Variants in FANCC observed in about 807,000 individuals in gnomAD.
FANCC encodes the protein Fanconi anemia group C protein.
In FANCC, 55 loss-of-function variants were observed where a neutral mutation model predicts 71.3. That is an observed-to-expected ratio of 0.77 (90% confidence interval 0.62 to 0.97). The LOEUF (loss-of-function observed/expected upper bound fraction) is 0.97. Ranked by LOEUF, FANCC falls within the 50% of genes least tolerant of loss-of-function variation. FANCC has a pLI of 0.00. For missense variants in FANCC, 678 were observed against 670.9 expected, an observed-to-expected ratio of 1.01 and a Z score of -0.12; for synonymous variants, 275 against 244.9, an observed-to-expected ratio of 1.12 and a Z score of -1.15.
chr9:95,125,178 G>A lies in FANCC; in HGVS notation c.904C>T (p.Leu302Phe), dbSNP rs1346590576. Reference sequence around the variant, plus strand: ...TCCAGGGCCCCATCGGTTTCCAGGAGTGCACACCTGAACAATGCAAAGTCA... The same window carrying A: ...TCCAGGGCCCCATCGGTTTCCAGGAATGCACACCTGAACAATGCAAAGTCA... ...RVVDEMFRCA[L>F]LETDGALEII... Residue 302 changes from leucine (L) to phenylalanine (F), a missense_variant, in exon 10 of 15, where the codon CTC becomes TTC. Leu to Phe is a conservative substitution (Grantham distance 22). Coordinates refer to ENST00000289081, the MANE Select transcript of FANCC (RefSeq NM_000136.3). 1.2e-6 allele frequency: 2 copies of A among 1,613,706 alleles called. No individual in the cohort carries two copies. The highest frequency in any genetic ancestry group is 1.7e-6 in the Non-Finnish European group (2 of 1,179,710).
chr9:95,111,718 C>G, intron 12 of FANCC, 81 bp from the exon 13 acceptor site: 1 of 1,545,512 alleles, frequency 6.5e-7, no homozygotes, highest in Non-Finnish European at 8.9e-7. Context: ...TTAACGTTTG[C>G]CAACGGTTGG....
chr9:95,310,414 G>T (rs1191609845), intron 1 of FANCC, among the ~76,000 whole-genome samples: 1 of 151,770 alleles, frequency 6.6e-6, no homozygotes, highest in African/African-American at 2.4e-5. Context: ...CAAGAAACTG[G>T]CAAGTCCAGA....
chr9:95,182,970 A>G (rs2135685636), intron 4 of FANCC, among the ~76,000 whole-genome samples: 1 of 152,204 alleles, frequency 6.6e-6, no homozygotes. Context: ...CCCCTACTCC[A>G]GCCTGCCCCT....
intron 6 of FANCC, among the ~76,000 whole-genome samples, chr9:95,158,035 A>G (rs1363901878): frequency 6.6e-6 from 1 of 152,120 alleles, no homozygotes; most frequent in East Asian, 1.9e-4. Context: ...TTAGGGAGGA[A>G]GATTGATGAG....
At chr9:95,132,904 CAA>C (rs1827126924) in intron 8 of FANCC, among the ~76,000 whole-genome samples, 1 of 152,110 alleles carries the variant, frequency 6.6e-6, no homozygotes, top group Non-Finnish European at 1.5e-5. Context: ...TGCATAGTCC[CAA>C]GAGAGAGAAA....
chr9:95,278,712 C>A (rs1367927369), intron 1 of FANCC, among the ~76,000 whole-genome samples: 1 of 151,840 alleles, frequency 6.6e-6, no homozygotes, highest in African/African-American at 2.4e-5. Context: ...TGATATAACT[C>A]CATCATAAGT....
intron 2 of FANCC, among the ~76,000 whole-genome samples, chr9:95,248,520 A>T (rs1831135371): frequency 6.6e-6 from 1 of 152,222 alleles, no homozygotes; most frequent in East Asian, 1.9e-4. Context: ...ACACAAGAAC[A>T]CTTTGTTAAG....
intron 3 of FANCC, among the ~76,000 whole-genome samples, chr9:95,242,183 A>C (rs556492634): frequency 6.6e-6 from 1 of 152,208 alleles, no homozygotes; most frequent in South Asian, 2.1e-4. Context: ...TTTTTCCCCT[A>C]GCTTTTATGA....
At chr9:95,191,630 C>T (rs1343351707) in intron 4 of FANCC, among the ~76,000 whole-genome samples, 1 of 152,080 alleles carries the variant, frequency 6.6e-6, no homozygotes, top group Non-Finnish European at 1.5e-5. Flanking sequence ...AAATTTAACA[C>T]AACTAAGATT....
intron 1 of FANCC, among the ~76,000 whole-genome samples, chr9:95,278,790 G>A (rs995886800): frequency 1.3e-4 from 16 of 126,026 alleles, no homozygotes; most frequent in Admixed American, 5.7e-4. Flanking sequence ...TATATATCAC[G>A]GTAATTATTC....
intron 4 of FANCC, among the ~76,000 whole-genome samples, chr9:95,240,207 G>C (rs992502041): frequency 2.0e-5 from 3 of 152,148 alleles, no homozygotes; most frequent in Admixed American, 1.3e-4. Context: ...ACCAACTTCG[G>C]GACACAAAAT....
chr9:95,172,362 T>C (rs1354390052), intron 4 of FANCC, among the ~76,000 whole-genome samples: 1 of 152,188 alleles, frequency 6.6e-6, no homozygotes, highest in Non-Finnish European at 1.5e-5. Context: ...TAAACAAACA[T>C]TAGCAGTGAA....
At chr9:95,161,569 T>C (rs990580528) in intron 6 of FANCC, among the ~76,000 whole-genome samples, 13 of 152,208 alleles carry the variant, frequency 8.5e-5, no homozygotes, top group Non-Finnish European at 1.3e-4. Context: ...CTAACTGATG[T>C]TGTTAGTTTA....
chr9:95,260,684 T>A (rs374136963), intron 1 of FANCC, among the ~76,000 whole-genome samples: 5,878 of 129,644 alleles, frequency 0.045, 136 homozygotes, highest in Non-Finnish European at 0.055. Context: ...GAACTTAAAA[T>A]ATAAAAAAAA....
intron 4 of FANCC, among the ~76,000 whole-genome samples, chr9:95,209,139 A>T (rs1175685000): frequency 1.3e-5 from 2 of 152,240 alleles, no homozygotes; most frequent in African/African-American, 4.8e-5. Flanking sequence ...ATGGCTAGAT[A>T]ATCTATGATT....
chr9:95,118,588 C>T (rs984701479), intron 10 of FANCC, among the ~76,000 whole-genome samples: 2 of 152,238 alleles, frequency 1.3e-5, no homozygotes, highest in Non-Finnish European at 2.9e-5. Flanking sequence ...CCACCCCACC[C>T]TGGCAACCAA....
At chr9:95,187,852 CGT>C (rs965991507) in intron 4 of FANCC, among the ~76,000 whole-genome samples, 1 of 152,046 alleles carries the variant, frequency 6.6e-6, no homozygotes, top group African/African-American at 2.4e-5. Context: ...CCTAGACCAC[CGT>C]GTGTGGTGAG....
At chr9:95,148,023 T>C (rs749485893) in intron 7 of FANCC, among the ~76,000 whole-genome samples, 7 of 152,176 alleles carry the variant, frequency 4.6e-5, no homozygotes, top group Non-Finnish European at 1.0e-4. Flanking sequence ...TTTGCACTGA[T>C]AGCGCAAAAG....
At position 95,135,533 on chromosome 9, in the gene FANCC, C is replaced by G. The variant is rs201802092; in HGVS notation, c.687-31G>C. 4.4e-6 allele frequency: 7 copies of G among 1,602,802 alleles called. No homozygotes were observed. The Middle Eastern group carries it at 6.6e-4, about 151-fold the overall frequency. Reference sequence around the variant, plus strand: ...AGAAAGAAATAAACAAAATTTTAAACAGAAATGGCTCACTGAAAAAAGAAG... The same window carrying G: ...AGAAAGAAATAAACAAAATTTTAAAGAGAAATGGCTCACTGAAAAAAGAAG... On this transcript the variant is annotated intron_variant, in intron 7 of 14. Transcript: ENST00000289081.
Sources: gnomAD v4.1 joint callset for allele counts (sites outside exome capture counted in the v4.1 genomes callset) on GRCh38, gnomAD v4.1.1 for gene constraint, MANE v1.5 for transcripts, NCBI Gene and HGNC (gene_info 2026-07-23, HGNC 2026-07-21) for gene names.